GRWD1: variants seen among roughly 807,000 people sequenced by gnomAD.
GRWD1 encodes glutamate-rich WD repeat-containing protein 1.
Under a neutral mutation model 45.3 loss-of-function variants are expected in GRWD1, and 29 were observed. The observed-to-expected ratio is 0.64, with a 90% confidence interval of 0.48 to 0.87. GRWD1 has a LOEUF of 0.87. Ranked by LOEUF, GRWD1 falls within the 40% of genes least tolerant of loss-of-function variation. GRWD1 has a pLI of 0.00. For missense variants in GRWD1, 592 were observed against 618.8 expected, an observed-to-expected ratio of 0.96 and a Z score of 0.46; for synonymous variants, 262 against 257.6, an observed-to-expected ratio of 1.02 and a Z score of -0.16.
Position 48,454,438 on chromosome 19 carries a change from G to C in GRWD1, c.*1413G>C. ...CCCGGCCCCCCTCCATCCAGCCTCTGATCCATCTGTGGACTCCGAGGTCGG... is the reference window on the plus strand; with the variant it reads ...CCCGGCCCCCCTCCATCCAGCCTCTCATCCATCTGTGGACTCCGAGGTCGG... On this transcript the variant is annotated 3_prime_UTR_variant, in exon 7 of 7. Coordinates refer to ENST00000253237, the MANE Select transcript of GRWD1 (RefSeq NM_031485.4). 1 of 151,616 alleles carries C rather than the reference G, an allele frequency of 6.6e-6. No individual in the cohort carries two copies. Among genetic ancestry groups the C allele is most frequent in the Non-Finnish European group, 1.5e-5 (1 of 68,006 alleles). 9.4% of individuals were successfully genotyped at this position (151,616 alleles called of 1,614,324 possible).
At chr19:48,448,547 T>G (rs1971436989) in intron 3 of GRWD1, among the ~76,000 whole-genome samples, 3 of 152,204 alleles carry the variant, frequency 2.0e-5, no homozygotes, top group South Asian at 4.1e-4. Flanking sequence ...AAAAATCCAA[T>G]GAAGTAGGGG....
In GRWD1 at chr19:48,446,450, C is replaced by G; in HGVS notation, c.253C>G (p.Leu85Val). 1 of 1,614,186 alleles carries G rather than the reference C, an allele frequency of 6.2e-7. No individual in the cohort carries two copies. The highest frequency in any genetic ancestry group is 8.5e-7 in the Non-Finnish European group (1 of 1,180,030). The change falls in exon 2 of 7, where the codon CTT becomes GTT. Residue 85 changes from leucine to valine, a missense_variant. Coordinates refer to ENST00000253237, the MANE Select transcript of GRWD1 (RefSeq NM_031485.4). ...HLGDNRTELP[L>V]TLYLCAGTQA... ...GGGAGACAACCGGACAGAGCTTCCTCTTACACTTTACTTGTGTGCTGGGAC... is the reference window on the plus strand; with the variant it reads ...GGGAGACAACCGGACAGAGCTTCCTGTTACACTTTACTTGTGTGCTGGGAC...
At position 48,452,217 on chromosome 19, in the gene GRWD1, A is replaced by G. The variant is rs575937494; in HGVS notation, c.1024-491A>G. Among the ~76,000 whole-genome samples, 4 of 150,940 alleles carry G rather than the reference A, an allele frequency of 2.7e-5. No individual in the cohort carries two copies. The South Asian group carries it at 8.4e-4, about 32-fold the overall frequency. The stretch of plus-strand genomic sequence containing the variant: ...TGGGTTCAAGCGATTCTCCTGCCTC[A>G]GCCTCCTGAGTAACTGGGATTACAG... On this transcript the variant is annotated intron_variant, in intron 6 of 6. Transcript: ENST00000253237. This position sits in a 1 kb window ranked among gnomAD's most constrained non-coding sequence, Gnocchi z 5.1.
rs185828980 is a variant in GRWD1 at position 48,453,253 on chromosome 19, G to A, written c.*228G>A. 84 of 496,040 alleles carry A rather than the reference G, an allele frequency of 1.7e-4. 1 individual carries two copies. In the East Asian group the frequency reaches 2.7e-3, roughly 16 times the overall value. The allele number at this position is 496,040 out of a possible 1,614,324, so 30.7% of individuals were successfully genotyped here. On this transcript the variant is annotated 3_prime_UTR_variant, in exon 7 of 7. Transcript: ENST00000253237. ...GGCTCTGTAAGACCACTCCCACCCA[G>A]AGACTTGTGTGGCCTGGTGTGGCCT...
At chr19:48,448,946 C>G (rs1402118467) in intron 3 of GRWD1, among the ~76,000 whole-genome samples, 1 of 152,164 alleles carries the variant, frequency 6.6e-6, no homozygotes, top group African/African-American at 2.4e-5. Flanking sequence ...TTAAAGTGGT[C>G]CCTCTGGCTG....
rs765448597 is a variant in GRWD1 at position 48,451,057 on chromosome 19, C to T, written c.849C>T (p.Asp283=). ...AGGTGTTTGCCTCCTGCTCAGCTGA[C>T]GCCTCCATCCGCATCTGGGACATCC... ...ENTVFASCSA[D]ASIRIWDIRA... The change falls in exon 6 of 7, where the codon GAC becomes GAT. Residue 283 remains aspartate (D), a synonymous_variant. Transcript: ENST00000253237. The T allele has an allele frequency of 4.5e-5, 72 of 1,613,780 alleles. No individual in the cohort carries two copies. Among genetic ancestry groups the T allele is most frequent in the Admixed American group, 2.2e-4 (13 of 59,994 alleles).
Position 48,453,055 on chromosome 19 carries a change from T to C in GRWD1, c.*30T>C. On this transcript the variant is annotated 3_prime_UTR_variant, in exon 7 of 7. Coordinates refer to ENST00000253237, the MANE Select transcript of GRWD1 (RefSeq NM_031485.4). Reference sequence around the variant, plus strand: ...TCCCACTGGCTCTGATCTTGCTTCCTGCTTGGAAACTGAAGTCGAATTGGG... The same window carrying C: ...TCCCACTGGCTCTGATCTTGCTTCCCGCTTGGAAACTGAAGTCGAATTGGG... 4 of 1,539,172 alleles carry C rather than the reference T, an allele frequency of 2.6e-6. No homozygotes were observed. Among genetic ancestry groups the C allele is most frequent in the Non-Finnish European group, 3.5e-6 (4 of 1,139,418 alleles).
chr19:48,446,928 C>CTT lies in GRWD1; in HGVS notation c.468+85_468+86insTT. The CTT allele has an allele frequency of 5.4e-4, 516 of 947,410 alleles. 2 individuals carry two copies. The highest frequency in any genetic ancestry group is 7.0e-4 in the Non-Finnish European group (469 of 669,832). The allele number at this position is 947,410 out of a possible 1,614,324, so 58.7% of individuals were successfully genotyped here. A position where few individuals can be genotyped will look rare whatever the true frequency, so the allele number is the denominator to read the frequency against. ...GTGTCCATAACTCCCAACACCTCCT[C>CTT]ATGTTCTTTTTTTTTTTTTTTTTTT... On this transcript the variant is annotated intron_variant, in intron 3 of 6. Coordinates refer to ENST00000253237, the MANE Select transcript of GRWD1 (RefSeq NM_031485.4).
Position 48,454,490 on chromosome 19 carries a change from A to T in GRWD1, c.*1465A>T, listed in dbSNP as rs1601007366. The stretch of plus-strand genomic sequence containing the variant: ...TGCCCGTCACACGGCCCCTGGGACC[A>T]AGGACAGACTACAGCCCCTCAGCAC... On this transcript the variant is annotated 3_prime_UTR_variant, in exon 7 of 7. Transcript: ENST00000253237. 6.6e-6 allele frequency: 1 copy of T among 151,834 alleles called. No homozygotes were observed. The highest frequency in any genetic ancestry group is 2.4e-5 in the African/African-American group (1 of 41,172). 9.4% of individuals were successfully genotyped at this position (151,834 alleles called of 1,614,324 possible). A position where few individuals can be genotyped will look rare whatever the true frequency, so the allele number is the denominator to read the frequency against.
intron 1 of GRWD1, 45 bp downstream of exon 1, chr19:48,446,237 G>A (rs1213209736): frequency 1.9e-6 from 3 of 1,577,114 alleles, no homozygotes; most frequent in Admixed American, 1.9e-5. Flanking sequence ...GGCTGATCCC[G>A]AGCCTTTAAC....
chr19:48,456,334 G>A lies in GRWD1; in HGVS notation c.*3309G>A, dbSNP rs1343479497. The A allele has an allele frequency of 1.3e-5, 2 of 152,382 alleles. No homozygotes were observed. The highest frequency in any genetic ancestry group is 1.9e-4 in the East Asian group (1 of 5,188). The allele number at this position is 152,382 out of a possible 1,614,324, so 9.4% of individuals were successfully genotyped here. On this transcript the variant is annotated 3_prime_UTR_variant, in exon 7 of 7. Coordinates refer to ENST00000253237, the MANE Select transcript of GRWD1 (RefSeq NM_031485.4). ...CCTCCAGGCCGCCCCCTTGGGCAAC[G>A]AGCCTATTTCCCCTTTTTGGGAGAA...
chr19:48,451,207 G>T lies in GRWD1; in HGVS notation c.999G>T (p.Lys333Asn). Residue 333 changes from lysine (K) to asparagine (N), a missense_variant, in exon 6 of 7, where the codon AAG becomes AAT. Lys to Asn is a moderately conservative substitution (Grantham distance 94). Coordinates refer to ENST00000253237, the MANE Select transcript of GRWD1 (RefSeq NM_031485.4). Reference protein sequence around the residue: ...LLSGGDDGALKIWDLRQFKSG... With the variant: ...LLSGGDDGALNIWDLRQFKSG... ...GTGGCGGGGATGATGGGGCCCTCAA[G>T]ATCTGGGACCTTCGGCAGTTCAAGG... 1 of 1,603,372 alleles carries T rather than the reference G, an allele frequency of 6.2e-7. No individual in the cohort carries two copies. Among genetic ancestry groups the T allele is most frequent in the Non-Finnish European group, 8.5e-7 (1 of 1,172,734 alleles).
Position 48,451,107 on chromosome 19 carries a change from T to A in GRWD1, c.899T>A (p.Met300Lys). Reference protein sequence around the residue: ...DIRAAPSKACMLTTATAHDGD... With the variant: ...DIRAAPSKACKLTTATAHDGD... ...CGGGCAGCCCCCAGCAAGGCCTGCA[T>A]GCTCACCACAGCCACCGCCCATGAT... is the stretch of plus-strand genomic sequence containing the variant. The change falls in exon 6 of 7, where the codon ATG (methionine) becomes AAG (lysine). Residue 300 changes from methionine (M) to lysine (K), a missense_variant. Coordinates refer to ENST00000253237, the MANE Select transcript of GRWD1 (RefSeq NM_031485.4). 6.2e-7 allele frequency: 1 copy of A among 1,614,086 alleles called. No individual in the cohort carries two copies. The highest frequency in any genetic ancestry group is 1.1e-5 in the South Asian group (1 of 91,082).
In GRWD1 at chr19:48,450,260, G is replaced by C; in HGVS notation, c.469-53G>C. The C allele has an allele frequency of 6.9e-7, 1 of 1,446,912 alleles. No individual in the cohort carries two copies. Among genetic ancestry groups the C allele is most frequent in the South Asian group, 1.2e-5 (1 of 83,790 alleles). 89.6% of individuals were successfully genotyped at this position (1,446,912 alleles called of 1,614,324 possible). Reference sequence around the variant, plus strand: ...ATGGGGAGCGTGGGGTCAGTGCCTTGATCCTCCTCTCCCCTCGCTTCACAT... The same window carrying C: ...ATGGGGAGCGTGGGGTCAGTGCCTTCATCCTCCTCTCCCCTCGCTTCACAT... On this transcript the variant is annotated intron_variant, in intron 3 of 6. Transcript: ENST00000253237. This position sits in a 1 kb window ranked among gnomAD's most constrained non-coding sequence, Gnocchi z 5.1.
rs1971496613 is a variant in GRWD1 at position 48,453,247 on chromosome 19, C to T, written c.*222C>T. On this transcript the variant is annotated 3_prime_UTR_variant, in exon 7 of 7. Coordinates refer to ENST00000253237, the MANE Select transcript of GRWD1 (RefSeq NM_031485.4). ...AACCAGGGCTCTGTAAGACCACTCC[C>T]ACCCAGAGACTTGTGTGGCCTGGTG... The T allele has an allele frequency of 1.2e-5, 6 of 502,498 alleles. No homozygotes were observed. In the East Asian group the frequency reaches 1.9e-4, roughly 16 times the overall value. The allele number at this position is 502,498 out of a possible 1,614,324, so 31.1% of individuals were successfully genotyped here.
chr19:48,452,921 G>C lies in GRWD1; in HGVS notation c.1237G>C (p.Gly413Arg). The change falls in exon 7 of 7, where the codon GGC (glycine) becomes CGC (arginine). Residue 413 changes from glycine to arginine, a missense_variant. Physicochemically the swap from Gly to Arg is moderately radical, Grantham distance 125. Coordinates refer to ENST00000253237, the MANE Select transcript of GRWD1 (RefSeq NM_031485.4). The surrounding 1 kb of genome is among the most constrained non-coding windows in gnomAD (Gnocchi z 5.1). ...GCAGCAGCTGCTGTTCGTGCACCAG[G>C]GCGAGACCGAGCTGAAGGAGCTGCA... ...LPQQLLFVHQ[G>R]ETELKELHWH... is the part of the protein sequence containing the mutation. 6.2e-7 allele frequency: 1 copy of C among 1,612,060 alleles called. No individual in the cohort carries two copies. Among genetic ancestry groups the C allele is most frequent in the Non-Finnish European group, 8.5e-7 (1 of 1,179,842 alleles).
intron 1 of GRWD1, 94 bp from the exon 2 acceptor site, chr19:48,446,291 G>A: frequency 1.3e-6 from 2 of 1,559,942 alleles, no homozygotes; most frequent in Non-Finnish European, 1.8e-6. Flanking sequence ...TAAGAGAAGT[G>A]ATTTCATACC....
chr19:48,450,617 C>G lies in GRWD1; in HGVS notation c.683-49C>G. The G allele has an allele frequency of 6.2e-6, 10 of 1,609,542 alleles. No homozygotes were observed. The highest frequency in any genetic ancestry group is 8.5e-6 in the Non-Finnish European group (10 of 1,177,390). On this transcript the variant is annotated intron_variant, in intron 4 of 6. Transcript: ENST00000253237. This position sits in a 1 kb window ranked among gnomAD's most constrained non-coding sequence, Gnocchi z 5.1. Reference sequence around the variant, plus strand: ...GGCGCTTAGACTCCAAGGAGGGGAGCGAGCTGCGGCCAGGTGGGGCGAGGT... The same window carrying G: ...GGCGCTTAGACTCCAAGGAGGGGAGGGAGCTGCGGCCAGGTGGGGCGAGGT...
Position 48,450,119 on chromosome 19 carries a change from G to A in GRWD1, c.469-194G>A, listed in dbSNP as rs1483129987. 6.6e-6 allele frequency among the ~76,000 whole-genome samples: 1 copy of A among 151,734 alleles called. No homozygotes were observed. Among genetic ancestry groups the A allele is most frequent in the Non-Finnish European group, 1.5e-5 (1 of 67,954 alleles). On this transcript the variant is annotated intron_variant, in intron 3 of 6. Transcript: ENST00000253237. The surrounding 1 kb of genome is among the most constrained non-coding windows in gnomAD (Gnocchi z 5.1). ...CCACTCCCACCCCCTGTGGAGAGCTGTCCCAGTTACCATGCTGGTTTTTGC... is the reference window on the plus strand; with the variant it reads ...CCACTCCCACCCCCTGTGGAGAGCTATCCCAGTTACCATGCTGGTTTTTGC...
Sources: allele counts gnomAD v4.1 joint callset (sites outside exome capture counted in the v4.1 genomes callset), GRCh38; gene constraint gnomAD v4.1.1; non-coding constraint Gnocchi (gnomAD v3.1); transcripts MANE v1.5; gene names NCBI Gene and HGNC (gene_info 2026-07-23, HGNC 2026-07-21).